Variants in VWA8 observed in about 807,000 individuals in gnomAD.
VWA8 encodes von Willebrand factor A domain containing 8.
Under a neutral mutation model 241.5 loss-of-function variants are expected in VWA8, and 221 were observed. The observed-to-expected ratio is 0.91, with a 90% CI of 0.82 to 1.02. The LOEUF (loss-of-function observed/expected upper bound fraction) is 1.02, where lower values mean the gene tolerates loss of function less well. Ranked by LOEUF, VWA8 falls within the 50% of genes least tolerant of loss-of-function variation. VWA8 has a pLI of 0.00. For missense variants in VWA8, 2,322 were observed against 2,328.7 expected, an observed-to-expected ratio of 1.00 and a Z score of 0.06; for synonymous variants, 852 against 827.1, an observed-to-expected ratio of 1.03 and a Z score of -0.52.
At position 41,575,814 on chromosome 13, in the gene VWA8, C is replaced by T; in HGVS notation, c.5296G>A (p.Asp1766Asn). The T allele has an allele frequency of 3.1e-6, 5 of 1,613,048 alleles. No individual in the cohort carries two copies. Among genetic ancestry groups the T allele is most frequent in the East Asian group, 2.2e-5 (1 of 44,862 alleles). Residue 1766 changes from aspartate (D) to asparagine (N), a missense_variant, in exon 43 of 45, where the codon GAT becomes AAT. Transcript: ENST00000379310. The stretch of plus-strand genomic sequence containing the variant: ...GGAACCAGACCAATGTTGTAGCCAT[C>T]TCCAGAGTGTCCAACGATGTCATAC... ...FQYDIVGHSG[D>N]GYNIGLVPMN...
chr13:41,708,553 T>C (rs1425103859), intron 26 of VWA8, among the ~76,000 whole-genome samples: 2 of 152,160 alleles, frequency 1.3e-5, no homozygotes, highest in African/African-American at 4.8e-5. Flanking sequence ...GGTAAATTAA[T>C]TTGGCTTTGC....
At chr13:41,717,143 C>A (rs976304395) in intron 26 of VWA8, among the ~76,000 whole-genome samples, 1 of 151,762 alleles carries the variant, frequency 6.6e-6, no homozygotes, top group Non-Finnish European at 1.5e-5. Flanking sequence ...CATATTCTGG[C>A]CTGGCCAGGG....
intron 24 of VWA8, among the ~76,000 whole-genome samples, chr13:41,725,825 T>C (rs1221973052): frequency 6.6e-6 from 1 of 152,212 alleles, no homozygotes; most frequent in Non-Finnish European, 1.5e-5. Flanking sequence ...TTCTTTGGTG[T>C]GTTTACATTA....
intron 4 of VWA8, among the ~76,000 whole-genome samples, chr13:41,895,618 A>G (rs893285218): frequency 1.3e-5 from 2 of 152,156 alleles, no homozygotes; most frequent in South Asian, 2.1e-4. Flanking sequence ...CAACTCAGCA[A>G]TGAAACTAAC....
chr13:41,743,180 T>C (rs1411334209), intron 21 of VWA8, among the ~76,000 whole-genome samples: 3 of 152,092 alleles, frequency 2.0e-5, no homozygotes, highest in Admixed American at 6.6e-5. Context: ...ACGGGAGTCA[T>C]TGCAGGGTTC....
At chr13:41,903,124 G>A (rs185926113) in intron 4 of VWA8, among the ~76,000 whole-genome samples, 105 of 152,144 alleles carry the variant, frequency 6.9e-4, no homozygotes, top group African/African-American at 2.2e-3. Context: ...ACAAATATAC[G>A]TCTAGCTGGT....
At chr13:41,834,763 T>C (rs926769153) in intron 12 of VWA8, among the ~76,000 whole-genome samples, 1 of 152,270 alleles carries the variant, frequency 6.6e-6, no homozygotes, top group Admixed American at 6.5e-5. Context: ...ATCATTCTAT[T>C]ATAAAGATAC....
chr13:41,613,801 A>C (rs1212725327), intron 38 of VWA8, among the ~76,000 whole-genome samples: 2 of 152,214 alleles, frequency 1.3e-5, no homozygotes, highest in African/African-American at 4.8e-5. Flanking sequence ...AGGGGAATCA[A>C]ATGACTTGTT....
In VWA8 at chr13:41,841,860, A is replaced by AT. The variant is rs1566478209; in HGVS notation, c.1426-8330_1426-8329insA. 6.9e-3 allele frequency among the ~76,000 whole-genome samples: 432 copies of AT among 62,464 alleles called. 31 individuals are homozygous for AT. The highest frequency in any genetic ancestry group is 0.019 in the African/African-American group (222 of 11,816). 41.0% of individuals were successfully genotyped at this position (62,464 alleles called of 152,430 possible). On this transcript the variant is annotated intron_variant, in intron 12 of 44. Transcript: ENST00000379310. ...ATATATATATATATATATATATATA[A>AT]AAACAGTAGACATTTAATATTTTTT...
chr13:41,590,813 A>T, intron 40 of VWA8, 48 bp from the exon 41 acceptor site: 1 of 1,599,636 alleles, frequency 6.3e-7, no homozygotes, highest in Non-Finnish European at 8.6e-7. Context: ...AGTTATGCAG[A>T]GTCTCTGACA....
At chr13:41,948,288 A>C (rs1877958197) in intron 2 of VWA8, among the ~76,000 whole-genome samples, 1 of 152,230 alleles carries the variant, frequency 6.6e-6, no homozygotes, top group Admixed American at 6.5e-5. Flanking sequence ...ATGTATATAA[A>C]ATGTCCAAAA....
intron 2 of VWA8, among the ~76,000 whole-genome samples, chr13:41,931,635 A>G (rs1877126141): frequency 6.6e-6 from 1 of 152,166 alleles, no homozygotes; most frequent in Non-Finnish European, 1.5e-5. Context: ...AATTTGCTTC[A>G]CTATAGTAAC....
rs529189529 is a variant in VWA8 at position 41,935,022 on chromosome 13, T to C, written c.241+14914A>G. ...GTGTTTTTCAATGTTTTCCAAGTTT[T>C]TATGTTGATTATGTTTTATATTTGT... On this transcript the variant is annotated intron_variant, in intron 2 of 44. Coordinates refer to ENST00000379310, the MANE Select transcript of VWA8 (RefSeq NM_015058.2). 3.9e-5 allele frequency among the ~76,000 whole-genome samples: 6 copies of C among 152,236 alleles called. No individual in the cohort carries two copies. The East Asian group carries it at 1.2e-3, about 29-fold the overall frequency.
intron 34 of VWA8, among the ~76,000 whole-genome samples, chr13:41,687,080 T>C (rs753083580): frequency 2.0e-5 from 3 of 152,158 alleles, no homozygotes; most frequent in Non-Finnish European, 2.9e-5. Flanking sequence ...AGAATCTTTA[T>C]AGACTCTAGA....
At chr13:41,927,215 C>T in intron 2 of VWA8, 2 of 471,368 alleles carry the variant, frequency 4.2e-6, no homozygotes, top group South Asian at 1.7e-5. Flanking sequence ...TGGGCATTGA[C>T]CAAGTCACCA....
chr13:41,913,583 T>C (rs1218155731), intron 2 of VWA8, among the ~76,000 whole-genome samples: 4 of 152,198 alleles, frequency 2.6e-5, no homozygotes, highest in African/African-American at 7.2e-5. Flanking sequence ...AGCACAATAT[T>C]GTTAGGATAG....
At chr13:41,703,478 G>A in intron 26 of VWA8, 67 bp from the exon 27 acceptor site, 2 of 1,368,388 alleles carry the variant, frequency 1.5e-6, no homozygotes, top group Non-Finnish European at 2.1e-6. Context: ...AAATAACACG[G>A]CATCTATTAT....
At chr13:41,833,738 T>C (rs889715076) in intron 12 of VWA8, among the ~76,000 whole-genome samples, 1 of 152,188 alleles carries the variant, frequency 6.6e-6, no homozygotes, top group Non-Finnish European at 1.5e-5. Flanking sequence ...CCATTACTCA[T>C]TACATAATAT....
At chr13:41,855,874 G>GTAC (rs1872726907) in intron 12 of VWA8, among the ~76,000 whole-genome samples, 2 of 152,198 alleles carry the variant, frequency 1.3e-5, no homozygotes, top group Non-Finnish European at 2.9e-5. Flanking sequence ...ATACATTGAT[G>GTAC]TACTGCCTTT....
Sources: allele counts gnomAD v4.1 joint callset (sites outside exome capture counted in the v4.1 genomes callset), GRCh38; gene constraint gnomAD v4.1.1; transcripts MANE v1.5; gene names NCBI Gene and HGNC (gene_info 2026-07-23, HGNC 2026-07-21).